The following DDX31 variants were observed in gnomAD, a reference collection of about 807,000 sequenced individuals.
The protein encoded by DDX31 is ATP-dependent DNA helicase DDX31.
Under a neutral mutation model 91.3 loss-of-function variants are expected in DDX31, and 70 were observed. The observed-to-expected ratio is 0.77, with a 90% confidence interval of 0.63 to 0.94. The LOEUF (loss-of-function observed/expected upper bound fraction) is 0.94, where lower values mean the gene tolerates loss of function less well. Ranked by LOEUF, DDX31 falls within the 40% of genes least tolerant of loss-of-function variation. The pLI is 0.00. For synonymous variants in DDX31, 362 were observed against 350.6 expected (o/e 1.03, Z -0.36); for missense variants, 902 against 925.0 (o/e 0.98, Z 0.32).
intron 19 of DDX31, among the ~76,000 whole-genome samples, chr9:132,604,748 C>A (rs1438151483): frequency 6.6e-6 from 1 of 152,208 alleles, no homozygotes; most frequent in Non-Finnish European, 1.5e-5. Context: ...TATACTGCCA[C>A]ATCTGTCCTC....
In DDX31 at chr9:132,658,223, A is replaced by T. The variant is rs1163791903; in HGVS notation, c.588+448T>A. Reference sequence around the variant, plus strand: ...CCTTCACTGTAAGTCTTCACACAAGAGTAAGGAGCTTGGTCTCTGCAGCCA... The same window carrying T: ...CCTTCACTGTAAGTCTTCACACAAGTGTAAGGAGCTTGGTCTCTGCAGCCA... On this transcript the variant is annotated intron_variant, in intron 6 of 19. Transcript: ENST00000372159. The T allele has an allele frequency of 2.4e-5, 17 of 698,332 alleles. No individual in the cohort carries two copies. In the East Asian group the frequency reaches 4.6e-4, roughly 19 times the overall value. 43.3% of individuals were successfully genotyped at this position (698,332 alleles called of 1,614,324 possible). A position where few individuals can be genotyped will look rare whatever the true frequency, so the allele number is the denominator to read the frequency against.
intron 14 of DDX31, among the ~76,000 whole-genome samples, chr9:132,636,111 C>T (rs959944361): frequency 5.3e-5 from 8 of 152,286 alleles, no homozygotes; most frequent in African/African-American, 1.9e-4. Context: ...TGCAGGTTTC[C>T]TTTGAATGCT....
chr9:132,669,765 A>C lies in DDX31; in HGVS notation c.75+95T>G, dbSNP rs1590124412. On this transcript the variant is annotated intron_variant, in intron 1 of 19. Transcript: ENST00000372159. Reference sequence around the variant, plus strand: ...TTTCTCCCGCTTAACTCCGTGAATGACTCGAAACCCGACTCCAAGGCACGG... The same window carrying C: ...TTTCTCCCGCTTAACTCCGTGAATGCCTCGAAACCCGACTCCAAGGCACGG... 2.0e-6 allele frequency: 3 copies of C among 1,518,650 alleles called. No homozygotes were observed. The Middle Eastern group carries it at 5.4e-4, about 272-fold the overall frequency. The allele number at this position is 1,518,650 out of a possible 1,614,324, so 94.1% of individuals were successfully genotyped here. A position where few individuals can be genotyped will look rare whatever the true frequency, so the allele number is the denominator to read the frequency against.
chr9:132,646,703 G>A, intron 12 of DDX31, 120 bp downstream of exon 12: 2 of 890,228 alleles, frequency 2.2e-6, no homozygotes, highest in Non-Finnish European at 3.6e-6. Flanking sequence ...CATCCGGAAT[G>A]CAGACATAAG....
intron 17 of DDX31, among the ~76,000 whole-genome samples, chr9:132,622,616 A>G (rs1296314896): frequency 6.6e-6 from 1 of 152,246 alleles, no homozygotes; most frequent in Admixed American, 6.5e-5. Flanking sequence ...AGGCCCAGAA[A>G]GAGTATACCT....
intron 13 of DDX31, among the ~76,000 whole-genome samples, chr9:132,643,384 C>G (rs1405747328): frequency 6.6e-6 from 1 of 152,198 alleles, no homozygotes; most frequent in Non-Finnish European, 1.5e-5. Flanking sequence ...TACTCAAAAT[C>G]TGGAAAAAAG....
intron 14 of DDX31, among the ~76,000 whole-genome samples, chr9:132,634,381 T>C (rs893679923): frequency 6.6e-6 from 1 of 152,086 alleles, no homozygotes; most frequent in East Asian, 1.9e-4. Context: ...CACACACATA[T>C]GCAAGCACAT....
intron 19 of DDX31, among the ~76,000 whole-genome samples, chr9:132,605,716 C>T (rs1398947550): frequency 6.6e-6 from 1 of 151,882 alleles, no homozygotes; most frequent in African/African-American, 2.4e-5. Context: ...AGGTCCAGGC[C>T]CAGGACATGT....
chr9:132,645,597 T>C (rs1187136325), intron 13 of DDX31, among the ~76,000 whole-genome samples: 1 of 152,138 alleles, frequency 6.6e-6, no homozygotes, highest in Non-Finnish European at 1.5e-5. Flanking sequence ...TAACAGCTGG[T>C]TGAGGTAGAT....
At chr9:132,640,165 T>C (rs1238611316) in intron 14 of DDX31, among the ~76,000 whole-genome samples, 1 of 152,172 alleles carries the variant, frequency 6.6e-6, no homozygotes, top group Non-Finnish European at 1.5e-5. Context: ...GGTGGGATGA[T>C]CATTACAGTG....
chr9:132,645,833 G>A, intron 13 of DDX31, 62 bp downstream of exon 13: 2 of 1,531,258 alleles, frequency 1.3e-6, no homozygotes, highest in Non-Finnish European at 1.8e-6. Flanking sequence ...CCGGACTCAG[G>A]TTCGCCCCCA....
chr9:132,641,210 A>G (rs1246813123), intron 14 of DDX31, among the ~76,000 whole-genome samples: 1 of 152,232 alleles, frequency 6.6e-6, no homozygotes, highest in East Asian at 1.9e-4. Flanking sequence ...ATTGCATCAA[A>G]TGTGGCCTAG....
At chr9:132,623,551 CAAAAAA>C (rs34868804) in intron 17 of DDX31, among the ~76,000 whole-genome samples, 2 of 66,758 alleles carry the variant, frequency 3.0e-5, no homozygotes, top group African/African-American at 1.2e-4. Flanking sequence ...GACTCCATCT[CAAAAAA>C]AAAAAAAAAA....
intron 17 of DDX31, among the ~76,000 whole-genome samples, chr9:132,620,985 G>C (rs1026705919): frequency 6.6e-6 from 1 of 152,166 alleles, no homozygotes; most frequent in Admixed American, 6.5e-5. Context: ...GAAAACACAG[G>C]CCATCAGAAA....
chr9:132,650,254 C>T lies in DDX31; in HGVS notation c.720G>A (p.Lys240=), dbSNP rs1169020568. ...IVPGVLMGGE[K]RKSEKARLRK... is the part of the protein sequence containing the mutation. ...CCTACCTGGCCTTTTCTGATTTTCT[C>T]TTCTCTCCTCCCATTAACACTCCAG... is the stretch of plus-strand genomic sequence containing the variant. The change falls in exon 9 of 20, where the codon AAG becomes AAA. Residue 240 remains lysine, a synonymous_variant. Coordinates refer to ENST00000372159, the MANE Select transcript of DDX31 (RefSeq NM_022779.9). 2 of 1,614,040 alleles carry T rather than the reference C, an allele frequency of 1.2e-6. No individual in the cohort carries two copies. Among genetic ancestry groups the T allele is most frequent in the Admixed American group, 3.3e-5 (2 of 60,008 alleles).
intron 6 of DDX31, among the ~76,000 whole-genome samples, chr9:132,653,849 A>G (rs1462103832): frequency 6.6e-6 from 1 of 152,140 alleles, no homozygotes; most frequent in East Asian, 1.9e-4. Context: ...GGAAAAATAA[A>G]TGTACAAAAA....
intron 17 of DDX31, among the ~76,000 whole-genome samples, chr9:132,624,608 C>T (rs1462852467): frequency 2.0e-5 from 3 of 152,172 alleles, no homozygotes; most frequent in Non-Finnish European, 4.4e-5. Context: ...TGTGAAAGTT[C>T]CTTTACCTCT....
rs994990503 is a variant in DDX31, at chr9:132,655,007, T to C, written c.589-2515A>G. On this transcript the variant is annotated intron_variant, in intron 6 of 19. Transcript: ENST00000372159. The stretch of plus-strand genomic sequence containing the variant: ...AAGCAGCTGAGAGCATTGGAGGGCA[T>C]GGGAAAACTGGACCTTCTACACCGC... 2.0e-5 allele frequency among the ~76,000 whole-genome samples: 3 copies of C among 150,244 alleles called. No individual in the cohort carries two copies. In the Middle Eastern group the frequency reaches 0.01, roughly 525 times the overall value.
At chr9:132,640,468 A>T (rs1757595168) in intron 14 of DDX31, among the ~76,000 whole-genome samples, 1 of 152,150 alleles carries the variant, frequency 6.6e-6, no homozygotes, top group African/African-American at 2.4e-5. Context: ...ATTGTTAGAT[A>T]TAATAAGGAT....
Sources: allele counts gnomAD v4.1 joint callset (sites outside exome capture counted in the v4.1 genomes callset), GRCh38; gene constraint gnomAD v4.1.1; transcripts MANE v1.5; gene names NCBI Gene and HGNC (gene_info 2026-07-23, HGNC 2026-07-21).